The following BPTF variants were observed in gnomAD, a reference collection of about 807,000 sequenced individuals.
BPTF encodes the protein nucleosome-remodeling factor subunit BPTF.
A neutral mutation model predicts 292.5 loss-of-function variants in BPTF; 18 were observed. The observed-to-expected ratio is 0.06, with a 90% CI of 0.04 to 0.09. BPTF has a LOEUF of 0.09. BPTF is among the 10% of genes least tolerant of loss of function. The pLI, the probability that BPTF is intolerant of heterozygous loss-of-function variation, is 1.00. For synonymous variants in BPTF, 1,225 were observed against 1,251.9 expected, an observed-to-expected ratio of 0.98 and a Z score of 0.45; for missense variants, 2,726 against 3,498.7, an observed-to-expected ratio of 0.78 and a Z score of 5.57.
chr17:67,900,097 T>TGC (rs2061723045), intron 7 of BPTF, among the ~76,000 whole-genome samples: 1 of 152,078 alleles, frequency 6.6e-6, no homozygotes, highest in African/African-American at 2.4e-5. Context: ...ATTGTGTGTG[T>TGC]GCGCATGTGT....
Position 67,891,850 on chromosome 17 carries a change from A to G in BPTF, c.1871A>G (p.Asp624Gly). The G allele has an allele frequency of 6.3e-7, 1 of 1,587,724 alleles. No homozygotes were observed. Among genetic ancestry groups the G allele is most frequent in the South Asian group, 1.2e-5 (1 of 86,948 alleles). Reference sequence around the variant, plus strand: ...TGGCCTATTCATTTGACAGTAGGTGATTTCAAATCGGAGAAGTCCAACGGG... The same window carrying G: ...TGGCCTATTCATTTGACAGTAGGTGGTTTCAAATCGGAGAAGTCCAACGGG... ...DPEQGKSEVG[D>G]FKSEKSNGEL... is the part of the protein sequence containing the mutation. Residue 624 changes from aspartate (D) to glycine (G), a missense_variant, in exon 5 of 28, where the codon GAT (aspartate) becomes GGT (glycine). By Grantham distance (94) the Asp-to-Gly change is moderately conservative. Transcript: ENST00000306378.
At chr17:67,830,673 G>GAT (rs1189671283) in intron 1 of BPTF, among the ~76,000 whole-genome samples, 1 of 152,188 alleles carries the variant, frequency 6.6e-6, no homozygotes, top group African/African-American at 2.4e-5. Flanking sequence ...AGCAGGCACT[G>GAT]ATAGTAAAGT....
chr17:67,948,535 G>A (rs782287595), intron 23 of BPTF, among the ~76,000 whole-genome samples: 8 of 152,144 alleles, frequency 5.3e-5, no homozygotes, highest in Non-Finnish European at 1.0e-4. Flanking sequence ...ACTCTGAGAG[G>A]TGAGCTTGTT....
intron 11 of BPTF, among the ~76,000 whole-genome samples, chr17:67,917,359 G>A (rs1041551861): frequency 1.7e-4 from 26 of 151,796 alleles, no homozygotes; most frequent in African/African-American, 5.3e-4. Flanking sequence ...TCCTGACCTC[G>A]TGATCCCCCC....
chr17:67,954,747 C>G (rs140123908), intron 23 of BPTF, among the ~76,000 whole-genome samples: 12 of 152,318 alleles, frequency 7.9e-5, no homozygotes, highest in African/African-American at 2.9e-4. Context: ...TGTGTGCCCA[C>G]TATACAATCT....
At chr17:67,923,478 T>C (rs1316108044) in intron 14 of BPTF, among the ~76,000 whole-genome samples, 1 of 105,764 alleles carries the variant, frequency 9.5e-6, no homozygotes, top group African/African-American at 6.5e-5. Flanking sequence ...TGTCTTTTTT[T>C]TTTTTTTTTT....
At chr17:67,863,077 T>TGG (rs1370383256) in intron 2 of BPTF, among the ~76,000 whole-genome samples, 2 of 152,030 alleles carry the variant, frequency 1.3e-5, no homozygotes, top group African/African-American at 4.8e-5. Context: ...GTACCACAAA[T>TGG]GGGGTGGCTT....
chr17:67,919,218 T>TAATAAAAAA (rs367551787), intron 12 of BPTF, among the ~76,000 whole-genome samples: 4 of 126,266 alleles, frequency 3.2e-5, no homozygotes, highest in African/African-American at 1.5e-4. Context: ...ATAATAATAA[T>TAATAAAAAA]AAAATATAAT....
intron 1 of BPTF, among the ~76,000 whole-genome samples, chr17:67,843,176 A>ACC (rs142172548): frequency 1.5e-5 from 2 of 130,318 alleles, no homozygotes; most frequent in Non-Finnish European, 1.8e-5. Context: ...ATAGATACAT[A>ACC]TAGATATCTA....
chr17:67,868,574 T>A lies in BPTF; in HGVS notation c.1660+1887T>A, dbSNP rs181843607. Among the ~76,000 whole-genome samples, 118 of 152,332 alleles carry A rather than the reference T, an allele frequency of 7.7e-4. 2 individuals carry two copies. Among genetic ancestry groups the A allele is most frequent in the Middle Eastern group, 3.4e-3 (1 of 294 alleles). ...GAACCTTTGGCCACAGAGGGCTGACTATAGTGCCTTTTAAGTTTTAGCTTA... is the reference window on the plus strand; with the variant it reads ...GAACCTTTGGCCACAGAGGGCTGACAATAGTGCCTTTTAAGTTTTAGCTTA... On this transcript the variant is annotated intron_variant, in intron 3 of 27. Transcript: ENST00000306378.
chr17:67,959,410 A>G, intron 23 of BPTF, 131 bp from the exon 24 acceptor site: 2 of 644,894 alleles, frequency 3.1e-6, no homozygotes, highest in East Asian at 3.0e-5. Flanking sequence ...GTTTGCAACT[A>G]ACTAAAACTC....
intron 26 of BPTF, among the ~76,000 whole-genome samples, chr17:67,973,039 ATATATATATATATTT>A (rs1203020371): frequency 3.7e-4 from 53 of 143,792 alleles, no homozygotes; most frequent in Non-Finnish European, 4.2e-4. Flanking sequence ...ATATATATTT[ATATATATATATATTT>A]TATATATATA....
intron 26 of BPTF, among the ~76,000 whole-genome samples, chr17:67,972,897 C>T (rs781958485): frequency 6.6e-6 from 1 of 151,772 alleles, no homozygotes; most frequent in Non-Finnish European, 1.5e-5. Context: ...CATGAACCTA[C>T]AGCATCGATG....
intron 4 of BPTF, among the ~76,000 whole-genome samples, chr17:67,880,956 T>TAC (rs1005798267): frequency 3.1e-4 from 31 of 99,056 alleles, no homozygotes; most frequent in African/African-American, 7.9e-4. Context: ...ATTATATATA[T>TAC]ATACACACAC....
At chr17:67,841,272 G>C (rs1411469781) in intron 1 of BPTF, among the ~76,000 whole-genome samples, 1 of 152,070 alleles carries the variant, frequency 6.6e-6, no homozygotes, top group Non-Finnish European at 1.5e-5. Flanking sequence ...AGCCGGTCGT[G>C]GTGGCACATG....
chr17:67,946,180 C>T lies in BPTF; in HGVS notation c.7472C>T (p.Thr2491Ile). Reference sequence around the variant, plus strand: ...ACTCACCAGATTCAGAATGTGGTTACAGTGCAGGCAGCCAGTGTGCAAGAG... The same window carrying T: ...ACTCACCAGATTCAGAATGTGGTTATAGTGCAGGCAGCCAGTGTGCAAGAG... ...VQTHQIQNVV[T>I]VQAASVQEQL... Residue 2491 changes from threonine (T) to isoleucine (I), a missense_variant, in exon 21 of 28, where the codon ACA becomes ATA. Thr to Ile is a moderately conservative substitution (Grantham distance 89). Around this residue, in one of 22 missense-constraint regions of BPTF, gnomAD observed 570 missense variants for 633.5 expected, o/e 0.90. Coordinates refer to ENST00000306378, the MANE Select transcript of BPTF (RefSeq NM_182641.4). 1 of 1,614,178 alleles carries T rather than the reference C, an allele frequency of 6.2e-7. No individual in the cohort carries two copies. The highest frequency in any genetic ancestry group is 8.5e-7 in the Non-Finnish European group (1 of 1,180,024).
At chr17:67,847,591 C>T (rs2058116320) in intron 1 of BPTF, among the ~76,000 whole-genome samples, 1 of 150,156 alleles carries the variant, frequency 6.7e-6, no homozygotes, top group African/African-American at 2.5e-5. Flanking sequence ...AGGAGAATGG[C>T]TTGAACCCAG....
intron 18 of BPTF, among the ~76,000 whole-genome samples, chr17:67,933,312 G>A (rs2064583989): frequency 6.6e-6 from 1 of 151,844 alleles, no homozygotes; most frequent in Admixed American, 6.6e-5. Context: ...GCTAAAGCCT[G>A]TAATCCCAAA....
At chr17:67,957,742 C>T (rs2067094308) in intron 23 of BPTF, among the ~76,000 whole-genome samples, 1 of 152,170 alleles carries the variant, frequency 6.6e-6, no homozygotes, top group Admixed American at 6.6e-5. Flanking sequence ...GCACCTGTAG[C>T]TACTTGAAGG....
Sources: allele counts gnomAD v4.1 joint callset (sites outside exome capture counted in the v4.1 genomes callset), GRCh38; gene constraint gnomAD v4.1.1; regional missense constraint gnomAD v4.1.1; transcripts MANE v1.5; gene names NCBI Gene and HGNC (gene_info 2026-07-23, HGNC 2026-07-21).